The following KIZ variants were observed in gnomAD, a reference collection of about 807,000 sequenced individuals.
KIZ encodes the protein centrosomal protein kizuna.
In KIZ, 68 loss-of-function variants were observed where a neutral mutation model predicts 79.6. That is an observed-to-expected ratio of 0.85 (90% CI 0.70 to 1.05). The LOEUF (loss-of-function observed/expected upper bound fraction) is 1.05. Among genes scored for constraint, KIZ ranks in the 50% least tolerant of loss-of-function variants. The pLI is 0.00. For synonymous variants in KIZ, 280 were observed against 281.8 expected (o/e 0.99, Z 0.06); for missense variants, 797 against 800.4 (o/e 1.00, Z 0.05).
chr20:21,221,969 G>A (rs1009359126), intron 9 of KIZ, among the ~76,000 whole-genome samples: 1 of 152,162 alleles, frequency 6.6e-6, no homozygotes, highest in African/African-American at 2.4e-5. Flanking sequence ...ATTACCTGTT[G>A]TGCCTGGAAC....
chr20:21,220,016 T>A (rs1249563273), intron 9 of KIZ, among the ~76,000 whole-genome samples: 1 of 152,066 alleles, frequency 6.6e-6, no homozygotes, highest in Non-Finnish European at 1.5e-5. Flanking sequence ...TAGTTGTTGT[T>A]CACTAAAGAA....
intron 6 of KIZ, among the ~76,000 whole-genome samples, chr20:21,175,580 A>G (rs1272894442): frequency 2.0e-5 from 3 of 152,212 alleles, no homozygotes; most frequent in African/African-American, 4.8e-5. Context: ...CCAGGTCACC[A>G]GAAGACTGAA....
rs80087032 is a variant in KIZ, at chr20:21,134,196, C to T, written c.152+2037C>T. On this transcript the variant is annotated intron_variant, in intron 2 of 12. Coordinates refer to ENST00000619189, the MANE Select transcript of KIZ (RefSeq NM_018474.6). ...GTCTCATCCAGCAGCCCACCAGACA[C>T]GCCATTATCTGCACCCTTTTTAATT... Among the ~76,000 whole-genome samples, 107 of 152,326 alleles carry T rather than the reference C, an allele frequency of 7.0e-4. 1 individual carries two copies. Among genetic ancestry groups the T allele is most frequent in the African/African-American group, 1.8e-3 (73 of 41,574 alleles).
rs563992393 is a variant in KIZ at position 21,244,497 on chromosome 20, G to A, written c.1924+209G>A. On this transcript the variant is annotated intron_variant, in intron 12 of 12. Coordinates refer to ENST00000619189, the MANE Select transcript of KIZ (RefSeq NM_018474.6). ...GACCACACGGGTGCCATGGACCACA[G>A]GGGCAGAGCATTGTAATTTGCAAGT... The A allele has an allele frequency of 7.0e-6, 4 of 568,158 alleles. No individual in the cohort carries two copies. The East Asian group carries it at 1.2e-4, about 17-fold the overall frequency. 35.2% of individuals were successfully genotyped at this position (568,158 alleles called of 1,614,324 possible).
At chr20:21,146,328 G>A (rs2032845436) in intron 4 of KIZ, among the ~76,000 whole-genome samples, 1 of 152,148 alleles carries the variant, frequency 6.6e-6, no homozygotes, top group Non-Finnish European at 1.5e-5. Context: ...AGTCGATATT[G>A]TAATAAGCAA....
intron 3 of KIZ, among the ~76,000 whole-genome samples, chr20:21,141,568 G>A (rs2032531969): frequency 6.6e-6 from 1 of 152,062 alleles, no homozygotes; most frequent in Non-Finnish European, 1.5e-5. Flanking sequence ...AAGGTCCTAG[G>A]GATGTGTGTA....
At position 21,148,556 on chromosome 20, in the gene KIZ, C is replaced by T. The variant is rs1037816075; in HGVS notation, c.405+2902C>T. 3.9e-5 allele frequency among the ~76,000 whole-genome samples: 6 copies of T among 152,160 alleles called. 1 individual carries two copies. Among genetic ancestry groups the T allele is most frequent in the African/African-American group, 1.2e-4 (5 of 41,440 alleles). On this transcript the variant is annotated intron_variant, in intron 4 of 12. Coordinates refer to ENST00000619189, the MANE Select transcript of KIZ (RefSeq NM_018474.6). ...CCCACTCAGATCCTCACAAATTTTA[C>T]TATAGTAATTCTTCACCTCTATTAT...
intron 7 of KIZ, among the ~76,000 whole-genome samples, chr20:21,208,183 T>A (rs1449395786): frequency 6.6e-6 from 1 of 152,106 alleles, no homozygotes; most frequent in Non-Finnish European, 1.5e-5. Context: ...TATCTAATAT[T>A]TTTTTAAATG....
chr20:21,135,944 A>G (rs954917214), intron 2 of KIZ, among the ~76,000 whole-genome samples: 1 of 152,120 alleles, frequency 6.6e-6, no homozygotes, highest in Non-Finnish European at 1.5e-5. Flanking sequence ...ACATTTTTAA[A>G]TTTCTTTTTA....
In KIZ at chr20:21,126,191, G is replaced by C; in HGVS notation, c.76G>C (p.Gly26Arg). The C allele has an allele frequency of 1.3e-6, 2 of 1,484,998 alleles. No individual in the cohort carries two copies. Among genetic ancestry groups the C allele is most frequent in the Non-Finnish European group, 1.8e-6 (2 of 1,113,286 alleles). The allele number at this position is 1,484,998 out of a possible 1,614,324, so 92.0% of individuals were successfully genotyped here. ...CGAGAGGCTGGGCCAACTCCAGCAC[G>C]GGCTGCGGGACAGGTAAGGGCACTG... ...YYERLGQLQH[G>R]LRDSEKKRLD... The change falls in exon 1 of 13, where the codon GGG becomes CGG. Residue 26 changes from glycine (G) to arginine (R), a missense_variant. Coordinates refer to ENST00000619189, the MANE Select transcript of KIZ (RefSeq NM_018474.6).
chr20:21,210,881 T>G (rs963233247), intron 7 of KIZ, among the ~76,000 whole-genome samples: 8 of 152,162 alleles, frequency 5.3e-5, no homozygotes, highest in Non-Finnish European at 1.2e-4. Context: ...ATTAGCTATT[T>G]GTATTTCTTT....
Position 21,163,814 on chromosome 20 carries a change from C to T in KIZ, c.1352+655C>T, listed in dbSNP as rs551333166. Among the ~76,000 whole-genome samples the T allele has an allele frequency of 2.1e-4, 32 of 152,200 alleles. No individual in the cohort carries two copies. In the South Asian group the frequency reaches 4.4e-3, roughly 21 times the overall value. On this transcript the variant is annotated intron_variant, in intron 6 of 12. Coordinates refer to ENST00000619189, the MANE Select transcript of KIZ (RefSeq NM_018474.6). ...ATGTTTTTGTGCTACTGATTGGAGA[C>T]GCTAGAAGAAAACTTTGTAGAAAGT...
rs1396783124 is a variant in KIZ, at chr20:21,163,081, CT to C, written c.1275del (p.Glu426LysfsTer9). On this transcript the variant is annotated frameshift_variant, in exon 6 of 13. Transcript: ENST00000619189. LOFTEE classifies it high-confidence loss of function. ...GAGCAAGAAAGAGTTGCCCTATCCA[CT>C]GAAAAAAATTGTATTTTGCAAACCC... is the stretch of plus-strand genomic sequence containing the variant. The part of the protein sequence containing the change: ...HAEQERVALS[T>X]EKNCILQTLS... The C allele has an allele frequency of 6.2e-7, 1 of 1,613,614 alleles. No homozygotes were observed. Among genetic ancestry groups the C allele is most frequent in the Non-Finnish European group, 8.5e-7 (1 of 1,179,634 alleles).
In KIZ at chr20:21,142,134, C is replaced by T. The variant is rs1449112521; in HGVS notation, c.316-3431C>T. On this transcript the variant is annotated intron_variant, in intron 3 of 12. Coordinates refer to ENST00000619189, the MANE Select transcript of KIZ (RefSeq NM_018474.6). ...ATACACACATACACACTCTTACATG[C>T]ACCCGCGGTGCTTTAAGCATGCTGG... 2.0e-5 allele frequency among the ~76,000 whole-genome samples: 3 copies of T among 152,000 alleles called. No homozygotes were observed. In the East Asian group the frequency reaches 5.8e-4, roughly 29 times the overall value.
chr20:21,220,585 G>A (rs943458857), intron 9 of KIZ, among the ~76,000 whole-genome samples: 1 of 152,112 alleles, frequency 6.6e-6, no homozygotes, highest in African/African-American at 2.4e-5. Context: ...CCGGGTTCAA[G>A]CGATTCTCGT....
At chr20:21,134,401 C>G (rs571718990) in intron 2 of KIZ, among the ~76,000 whole-genome samples, 12 of 152,236 alleles carry the variant, frequency 7.9e-5, no homozygotes, top group African/African-American at 2.4e-4. Flanking sequence ...GGCAATTACT[C>G]CAACATTCGG....
intron 6 of KIZ, among the ~76,000 whole-genome samples, chr20:21,173,252 G>A (rs2034293494): frequency 6.6e-6 from 1 of 152,040 alleles, no homozygotes; most frequent in Non-Finnish European, 1.5e-5. Flanking sequence ...GGTAAGAAGT[G>A]GTCAGATTCT....
intron 4 of KIZ, among the ~76,000 whole-genome samples, chr20:21,148,099 A>C (rs1173720396): frequency 6.6e-6 from 1 of 151,832 alleles, no homozygotes; most frequent in Non-Finnish European, 1.5e-5. Context: ...CCTGGGGAGG[A>C]GTACGTGGAA....
intron 6 of KIZ, among the ~76,000 whole-genome samples, chr20:21,181,325 A>G (rs944275996): frequency 3.9e-5 from 6 of 152,210 alleles, no homozygotes; most frequent in East Asian, 1.9e-4. Flanking sequence ...CAAGGGTTCT[A>G]TTGTTAACTC....
Sources: allele counts gnomAD v4.1 joint callset (sites outside exome capture counted in the v4.1 genomes callset), GRCh38; gene constraint gnomAD v4.1.1; transcripts MANE v1.5; gene names NCBI Gene and HGNC (gene_info 2026-07-23, HGNC 2026-07-21).